Variants in POLR3B observed in about 807,000 individuals in gnomAD.
POLR3B encodes RNA polymerase III subunit B, also known as DNA-directed RNA polymerase III subunit RPC2.
A neutral mutation model predicts 147.4 loss-of-function variants in POLR3B; 96 were observed. The ratio of observed to expected loss-of-function variants is 0.65; its 90% CI spans 0.55 to 0.77. The LOEUF (loss-of-function observed/expected upper bound fraction) is 0.77, where lower values mean the gene tolerates loss of function less well. POLR3B is among the 30% of genes least tolerant of loss of function. POLR3B has a pLI of 0.00. For missense variants in POLR3B, 1,036 were observed against 1,413.5 expected (o/e 0.73, Z 4.28); for synonymous variants, 461 against 485.9 (o/e 0.95, Z 0.67).
chr12:106,493,755 A>G (rs944131425), intron 23 of POLR3B, among the ~76,000 whole-genome samples: 7 of 152,230 alleles, frequency 4.6e-5, no homozygotes, highest in African/African-American at 7.2e-5. Flanking sequence ...AGAAGCCGCA[A>G]TGATGGAGAG....
intron 10 of POLR3B, among the ~76,000 whole-genome samples, chr12:106,399,809 A>C (rs2136924356): frequency 6.6e-6 from 1 of 152,310 alleles, no homozygotes; most frequent in African/African-American, 2.4e-5. Context: ...GCCTGCCCTA[A>C]AAGAGCTCCT....
chr12:106,358,028 C>T, intron 1 of POLR3B, 77 bp downstream of exon 1: 4 of 1,578,742 alleles, frequency 2.5e-6, no homozygotes, highest in Non-Finnish European at 3.4e-6. Flanking sequence ...GCTCGGGCCG[C>T]CAAGGGGGCG....
intron 6 of POLR3B, among the ~76,000 whole-genome samples, chr12:106,372,924 C>G (rs1411555028): frequency 6.6e-6 from 1 of 152,122 alleles, no homozygotes; most frequent in East Asian, 1.9e-4. Flanking sequence ...TCTATCTTCC[C>G]ATTACGATTT....
chr12:106,406,418 G>A (rs1409542472), intron 11 of POLR3B, among the ~76,000 whole-genome samples: 1 of 152,150 alleles, frequency 6.6e-6, no homozygotes, highest in Non-Finnish European at 1.5e-5. Flanking sequence ...ATGCTTAATG[G>A]TAAAATATGC....
chr12:106,409,999 T>C (rs2037203954), intron 11 of POLR3B, among the ~76,000 whole-genome samples: 1 of 152,222 alleles, frequency 6.6e-6, no homozygotes, highest in African/African-American at 2.4e-5. Flanking sequence ...GTGTTTCTGC[T>C]AGAGAAGATT....
intron 23 of POLR3B, among the ~76,000 whole-genome samples, chr12:106,492,629 A>G (rs866106628): frequency 3.9e-5 from 6 of 152,202 alleles, no homozygotes; most frequent in African/African-American, 7.2e-5. Context: ...AATGATTTCT[A>G]TGTTGTTCTG....
At position 106,504,306 on chromosome 12, in the gene POLR3B, C is replaced by G; in HGVS notation, c.3272+52C>G. 6.9e-7 allele frequency: 1 copy of G among 1,454,164 alleles called. No individual in the cohort carries two copies. Among genetic ancestry groups the G allele is most frequent in the Non-Finnish European group, 9.7e-7 (1 of 1,033,890 alleles). 90.1% of individuals were successfully genotyped at this position (1,454,164 alleles called of 1,614,324 possible). ...ACCACACCCCTTGCCTCTTAAATCACAGCTCAAGAATTGACCCTGGATCCT... is the reference window on the plus strand; with the variant it reads ...ACCACACCCCTTGCCTCTTAAATCAGAGCTCAAGAATTGACCCTGGATCCT... On this transcript the variant is annotated intron_variant, in intron 27 of 27. Coordinates refer to ENST00000228347, the MANE Select transcript of POLR3B (RefSeq NM_018082.6). The surrounding 1 kb of genome is among the most constrained non-coding windows in gnomAD (Gnocchi z 4.6).
Position 106,430,311 on chromosome 12 carries a change from G to C in POLR3B, c.1302G>C (p.Gln434His). Residue 434 changes from glutamine to histidine, a missense_variant, in exon 14 of 28, where the codon CAG (glutamine) becomes CAC (histidine). Physicochemically the swap from Gln to His is conservative, Grantham distance 24. This residue lies in a region of POLR3B where 89 missense variants were observed against 110.9 expected (regional missense o/e 0.80). Transcript: ENST00000228347. ...WSLKRFKMDR[Q>H]GVTQVLSRLS... ...TAAAGAGATTTAAAATGGACCGCCA[G>C]GGTGTAACCCAAGTGCTGTCTCGCT... is the stretch of plus-strand genomic sequence containing the variant. The C allele has an allele frequency of 6.2e-7, 1 of 1,614,088 alleles. No individual in the cohort carries two copies. Among genetic ancestry groups the C allele is most frequent in the Non-Finnish European group, 8.5e-7 (1 of 1,179,960 alleles).
intron 6 of POLR3B, among the ~76,000 whole-genome samples, chr12:106,370,655 A>G (rs2036593126): frequency 7.0e-6 from 1 of 142,552 alleles, no homozygotes; most frequent in African/African-American, 2.6e-5. Context: ...TTTTTGAGAC[A>G]GAGTCTTACT....
At chr12:106,407,043 T>A (rs2037160126) in intron 11 of POLR3B, among the ~76,000 whole-genome samples, 3 of 152,192 alleles carry the variant, frequency 2.0e-5, no homozygotes. Flanking sequence ...CACCCTTCAA[T>A]CCAAATAATA....
chr12:106,391,266 TC>T (rs1565881534), intron 9 of POLR3B, among the ~76,000 whole-genome samples: 1 of 152,142 alleles, frequency 6.6e-6, no homozygotes, highest in East Asian at 1.9e-4. Flanking sequence ...GTAGCTATCT[TC>T]CCCCAGAGAG....
At position 106,509,707 on chromosome 12, in the gene POLR3B, A is replaced by G. The variant is rs1800288559; in HGVS notation, c.*158A>G. The G allele has an allele frequency of 3.1e-6, 2 of 636,532 alleles. No homozygotes were observed. The highest frequency in any genetic ancestry group is 1.8e-5 in the African/African-American group (1 of 54,976). The allele number at this position is 636,532 out of a possible 1,614,324, so 39.4% of individuals were successfully genotyped here. A position where few individuals can be genotyped will look rare whatever the true frequency, so the allele number is the denominator to read the frequency against. On this transcript the variant is annotated 3_prime_UTR_variant, in exon 28 of 28. Coordinates refer to ENST00000228347, the MANE Select transcript of POLR3B (RefSeq NM_018082.6). ...AATGGAGAGGCTTTTTATATACTCT[A>G]AGACTGGCTAAACAACCTTGATCAT...
At chr12:106,497,515 C>T (rs938134167) in intron 25 of POLR3B, among the ~76,000 whole-genome samples, 1 of 152,018 alleles carries the variant, frequency 6.6e-6, no homozygotes, top group Non-Finnish European at 1.5e-5. Flanking sequence ...TGATTTCTAC[C>T]CTATGCCTAC....
At chr12:106,427,765 A>G (rs908466078) in intron 13 of POLR3B, among the ~76,000 whole-genome samples, 1 of 152,212 alleles carries the variant, frequency 6.6e-6, no homozygotes, top group Non-Finnish European at 1.5e-5. Context: ...TCAAAGACCT[A>G]TCAGCTGTTC....
In POLR3B at chr12:106,369,465, A is replaced by C. The variant is rs2036575248; in HGVS notation, c.303+115A>C. The C allele has an allele frequency of 3.1e-6, 3 of 965,526 alleles. No homozygotes were observed. In the Admixed American group the frequency reaches 5.1e-5, roughly 16 times the overall value. The allele number at this position is 965,526 out of a possible 1,614,324, so 59.8% of individuals were successfully genotyped here. A position where few individuals can be genotyped will look rare whatever the true frequency, so the allele number is the denominator to read the frequency against. On this transcript the variant is annotated intron_variant, in intron 5 of 27. Coordinates refer to ENST00000228347, the MANE Select transcript of POLR3B (RefSeq NM_018082.6). ...GGATGGGGGGGGACATTCTTTGGAG[A>C]AAAAGGGATTAAAGTTCAATGTGGA...
intron 15 of POLR3B, among the ~76,000 whole-genome samples, chr12:106,433,476 C>A (rs1318262838): frequency 6.6e-6 from 1 of 152,150 alleles, no homozygotes; most frequent in African/African-American, 2.4e-5. Flanking sequence ...CAGCACTGTG[C>A]TGAAAGATGA....
At chr12:106,376,675 T>C (rs1236536962) in intron 7 of POLR3B, among the ~76,000 whole-genome samples, 1 of 150,384 alleles carries the variant, frequency 6.6e-6, no homozygotes, top group African/African-American at 2.5e-5. Context: ...TGGAGTGCAG[T>C]GGTGTGATCT....
chr12:106,494,414 T>C (rs2038446466), intron 23 of POLR3B, among the ~76,000 whole-genome samples: 2 of 152,162 alleles, frequency 1.3e-5, no homozygotes, highest in African/African-American at 4.8e-5. Flanking sequence ...CTCTTTGGTT[T>C]TGTTTTTTCA....
chr12:106,448,020 G>A (rs966680543), intron 19 of POLR3B, among the ~76,000 whole-genome samples: 2 of 151,940 alleles, frequency 1.3e-5, no homozygotes, highest in Non-Finnish European at 2.9e-5. Flanking sequence ...ATAAAATTTT[G>A]TTTCATTCTA....
Sources: allele counts gnomAD v4.1 joint callset (sites outside exome capture counted in the v4.1 genomes callset), GRCh38; gene constraint gnomAD v4.1.1; regional missense constraint gnomAD v4.1.1; non-coding constraint Gnocchi (gnomAD v3.1); transcripts MANE v1.5; gene names NCBI Gene and HGNC (gene_info 2026-07-23, HGNC 2026-07-21).